SIRT6: variants seen among roughly 807,000 people sequenced by gnomAD.
SIRT6 encodes the protein sirtuin 6, also known as NAD-dependent protein deacylase sirtuin-6.
Under a neutral mutation model 33.6 loss-of-function variants are expected in SIRT6, and 21 were observed. That is an observed-to-expected ratio of 0.62 (90% confidence interval 0.44 to 0.90). The LOEUF (loss-of-function observed/expected upper bound fraction) is 0.90, where lower values mean the gene tolerates loss of function less well. SIRT6 is among the 40% of genes least tolerant of loss of function. The probability of loss-of-function intolerance (pLI) is 0.00; values close to 1 mark genes in which losing one functional copy is unlikely to be tolerated. For synonymous variants in SIRT6, 221 were observed against 223.9 expected (o/e 0.99, Z 0.12); for missense variants, 504 against 510.6 (o/e 0.99, Z 0.12).
chr19:4,177,239 G>T, intron 3 of SIRT6, 101 bp from the exon 4 acceptor site: 1 of 1,046,842 alleles, frequency 9.6e-7, no homozygotes, highest in Non-Finnish European at 1.4e-6. Flanking sequence ...AAGGCTTCCC[G>T]GACTCCTCTC....
intron 1 of SIRT6, chr19:4,182,171 C>T: frequency 2.7e-6 from 1 of 374,722 alleles, no homozygotes; most frequent in East Asian, 4.7e-5. Context: ...CTCTGGAAAC[C>T]TCCCAGGCCT....
intron 3 of SIRT6, among the ~76,000 whole-genome samples, chr19:4,178,129 C>G (rs769355203): frequency 4.7e-5 from 7 of 150,368 alleles, no homozygotes; most frequent in South Asian, 4.2e-4. Context: ...CGGGTTCAAG[C>G]GATTCTCCTG....
chr19:4,174,534 A>T lies in SIRT6; in HGVS notation c.*83T>A. On this transcript the variant is annotated 3_prime_UTR_variant, in exon 8 of 8. Coordinates refer to ENST00000337491, the MANE Select transcript of SIRT6 (RefSeq NM_016539.4). The surrounding 1 kb of genome is among the most constrained non-coding windows in gnomAD (Gnocchi z 4.2). ...TCAGAGCCCTGAGGCTCCCGGGGAC[A>T]GAAACAAGTAACAAAGTGAGACCAC... The T allele has an allele frequency of 7.9e-7, 1 of 1,272,648 alleles. No individual in the cohort carries two copies. 78.8% of individuals were successfully genotyped at this position (1,272,648 alleles called of 1,614,324 possible). A position where few individuals can be genotyped will look rare whatever the true frequency, so the allele number is the denominator to read the frequency against.
At chr19:4,175,530 T>C in intron 6 of SIRT6, 150 bp downstream of exon 6, 2 of 712,326 alleles carry the variant, frequency 2.8e-6, no homozygotes, top group Non-Finnish European at 4.5e-6. Context: ...TGAGTGCGTG[T>C]GTGCAGCCCC....
At chr19:4,181,062 A>G (rs1453094145) in intron 1 of SIRT6, among the ~76,000 whole-genome samples, 153 bp from the exon 2 acceptor site, 2 of 152,096 alleles carry the variant, frequency 1.3e-5, no homozygotes, top group African/African-American at 4.8e-5. Context: ...CTCTTCCTAC[A>G]ACCTTCCATG....
intron 2 of SIRT6, among the ~76,000 whole-genome samples, chr19:4,180,312 C>T (rs553458934): frequency 3.4e-4 from 51 of 152,138 alleles, no homozygotes; most frequent in Admixed American, 1.2e-3. Context: ...GCAACCCTTG[C>T]AGCCAGGTGT....
At chr19:4,180,967 A>G in intron 1 of SIRT6, 58 bp from the exon 2 acceptor site, 2 of 1,512,400 alleles carry the variant, frequency 1.3e-6, no homozygotes, top group Non-Finnish European at 1.8e-6. Context: ...TGGCAAGGCC[A>G]CGCACGAGCC....
At position 4,174,748 on chromosome 19, in the gene SIRT6, C is replaced by A. The variant is rs183444295; in HGVS notation, c.937G>T (p.Ala313Ser). ...SPTRINGSIP[A>S]GPKQEPCAQH... ...GCGCAGGGCTCCTGCTTGGGGCCGGCGGGGATAGAGCCGTTGATCCGGGTG... is the reference window on the plus strand; with the variant it reads ...GCGCAGGGCTCCTGCTTGGGGCCGGAGGGGATAGAGCCGTTGATCCGGGTG... Residue 313 changes from alanine (A) to serine (S), a missense_variant, in exon 8 of 8, where the codon GCC becomes TCC. Ala to Ser is a moderately conservative substitution (Grantham distance 99). Coordinates refer to ENST00000337491, the MANE Select transcript of SIRT6 (RefSeq NM_016539.4). The surrounding 1 kb of genome is among the most constrained non-coding windows in gnomAD (Gnocchi z 4.2). The A allele has an allele frequency of 3.9e-3, 5,331 of 1,381,200 alleles. 13 individuals carry two copies. The highest frequency in any genetic ancestry group is 4.4e-3 in the Non-Finnish European group (4,709 of 1,063,498). 85.6% of individuals were successfully genotyped at this position (1,381,200 alleles called of 1,614,324 possible). A position where few individuals can be genotyped will look rare whatever the true frequency, so the allele number is the denominator to read the frequency against.
In SIRT6 at chr19:4,182,548, GC is replaced by G; in HGVS notation, c.-10del. 1 of 1,609,100 alleles carries G rather than the reference GC, an allele frequency of 6.2e-7. No homozygotes were observed. Among genetic ancestry groups the G allele is most frequent in the Non-Finnish European group, 8.5e-7 (1 of 1,178,214 alleles). On this transcript the variant is annotated 5_prime_UTR_variant, in exon 1 of 8. Transcript: ENST00000337491. ...GCGTAATTCACCGACATCCTCGACT[GC>G]CCCACGGGAACAATAAAGTTTCCCT...
In SIRT6 at chr19:4,174,971, GC is replaced by G; in HGVS notation, c.739-26del. ...CCTGCCGAGGGGCGGGACGGGTCAG[GC>G]GTGGGGGACAGAGGGTGCATGGTGG... On this transcript the variant is annotated intron_variant, in intron 7 of 7. Coordinates refer to ENST00000337491, the MANE Select transcript of SIRT6 (RefSeq NM_016539.4). The surrounding 1 kb of genome is among the most constrained non-coding windows in gnomAD (Gnocchi z 4.2). The G allele has an allele frequency of 6.2e-7, 1 of 1,609,716 alleles. No individual in the cohort carries two copies.
intron 4 of SIRT6, among the ~76,000 whole-genome samples, chr19:4,176,196 C>T (rs1043979443): frequency 2.0e-5 from 3 of 152,200 alleles, no homozygotes; most frequent in African/African-American, 7.2e-5. Flanking sequence ...CATGGGATCC[C>T]GGACCAGGAG....
chr19:4,179,574 G>C (rs1184913306), intron 2 of SIRT6: 1 of 465,440 alleles, frequency 2.1e-6, no homozygotes, highest in Non-Finnish European at 3.8e-6. Context: ...GAGAGAGAGA[G>C]ATGAATTCAC....
intron 1 of SIRT6, 121 bp downstream of exon 1, chr19:4,182,353 A>C (rs1370583554): frequency 4.0e-6 from 4 of 995,908 alleles, no homozygotes; most frequent in Non-Finnish European, 5.7e-6. Context: ...CCTCACTGGG[A>C]AGTCCCTCCC....
Position 4,174,710 on chromosome 19 carries a change from G to C in SIRT6, c.975C>G (p.Gly325=). The C allele has an allele frequency of 6.8e-7, 1 of 1,470,000 alleles. No individual in the cohort carries two copies. The highest frequency in any genetic ancestry group is 9.0e-7 in the Non-Finnish European group (1 of 1,109,352). 91.1% of individuals were successfully genotyped at this position (1,470,000 alleles called of 1,614,324 possible). The change falls in exon 8 of 8, where the codon GGC becomes GGG. Residue 325 remains glycine, a synonymous_variant. Transcript: ENST00000337491. The surrounding 1 kb of genome is among the most constrained non-coding windows in gnomAD (Gnocchi z 4.2). ...CCCGTTTGGGGCTGGCGGGCTCTGA[G>C]CCGTTGTGCTGGGCGCAGGGCTCCT... The part of the protein sequence containing the change: ...PKQEPCAQHN[G]SEPASPKRER...
chr19:4,181,978 T>A (rs935047817), intron 1 of SIRT6, among the ~76,000 whole-genome samples: 10 of 152,038 alleles, frequency 6.6e-5, no homozygotes, highest in Admixed American at 6.6e-4. Flanking sequence ...GGGAAGTGAC[T>A]TCCCCAAAGT....
intron 2 of SIRT6, 88 bp from the exon 3 acceptor site, chr19:4,179,374 T>G: frequency 1.5e-6 from 2 of 1,365,406 alleles, no homozygotes; most frequent in Admixed American, 2.8e-5. Context: ...AGAGAGAAAG[T>G]TGGAGAGAGA....
chr19:4,175,178 C>T (rs1278668046), intron 6 of SIRT6, 27 bp from the exon 7 acceptor site: 1 of 1,583,756 alleles, frequency 6.3e-7, no homozygotes, highest in South Asian at 1.1e-5. Flanking sequence ...TGGGCTGAGC[C>T]TGATGCCCTG....
Position 4,175,023 on chromosome 19 carries a change from C to T in SIRT6, c.738+5G>A, listed in dbSNP as rs1466156105. 1 of 1,598,504 alleles carries T rather than the reference C, an allele frequency of 6.3e-7. No homozygotes were observed. Among genetic ancestry groups the T allele is most frequent in the Non-Finnish European group, 8.5e-7 (1 of 1,171,616 alleles). ...CCCTGGGCAGGGGTAGGCTCAGACA[C>T]CTACGTGCTTGGTGGGCTGCAGGTT... On this transcript the variant is annotated splice_donor_5th_base_variant and intron_variant, in intron 7 of 7. Transcript: ENST00000337491.
At chr19:4,175,007 G>A (rs1306590177) in intron 7 of SIRT6, 21 bp downstream of exon 7, 1 of 1,603,686 alleles carries the variant, frequency 6.2e-7, no homozygotes, top group Admixed American at 1.7e-5. Context: ...GCCCTGGGCA[G>A]GGGTAGGCTC....
Sources: gnomAD v4.1 joint callset for allele counts (sites outside exome capture counted in the v4.1 genomes callset) on GRCh38, gnomAD v4.1.1 for gene constraint, Gnocchi (gnomAD v3.1) non-coding constraint, MANE v1.5 for transcripts, NCBI Gene and HGNC (gene_info 2026-07-23, HGNC 2026-07-21) for gene names.